MAP7D2: variants seen among roughly 807,000 people sequenced by gnomAD.
The protein encoded by MAP7D2 is MAP7 domain containing 2, also known as MAP7 domain-containing protein 2.
Under a neutral mutation model 63.5 loss-of-function variants are expected in MAP7D2, and 33 were observed. The observed-to-expected ratio is 0.52, with a 90% CI of 0.39 to 0.70. MAP7D2 has a LOEUF of 0.70. MAP7D2 is among the 30% of genes least tolerant of loss of function. MAP7D2 has a pLI of 0.00. For synonymous variants in MAP7D2, 224 were observed against 223.7 expected, an observed-to-expected ratio of 1.00 and a Z score of -0.01; for missense variants, 626 against 604.0, an observed-to-expected ratio of 1.04 and a Z score of -0.38.
chrX:20,034,560 G>T (rs1373451194), intron 8 of MAP7D2, among the ~76,000 whole-genome samples: 1 of 111,362 alleles, frequency 9.0e-6, no homozygotes, highest in Non-Finnish European at 1.9e-5. Context: ...AGGTGATTAG[G>T]TCATGAAGGT....
intron 1 of MAP7D2, among the ~76,000 whole-genome samples, chrX:20,074,135 C>CA (rs775366987): frequency 0.033 from 1,967 of 59,260 alleles, 32 homozygotes; most frequent in African/African-American, 0.047. Context: ...AACTCCGTCT[C>CA]AAAAAAAAAA....
chrX:20,042,395 TG>T, intron 8 of MAP7D2, 106 bp downstream of exon 8: 1 of 924,176 alleles, frequency 1.1e-6, no homozygotes, highest in Non-Finnish European at 1.5e-6. Context: ...CACTTCTGGC[TG>T]GCCACGCCTC....
chrX:20,092,344 C>T (rs1334852857), intron 1 of MAP7D2, among the ~76,000 whole-genome samples: 1 of 111,178 alleles, frequency 9.0e-6, no homozygotes, highest in Non-Finnish European at 1.9e-5. Flanking sequence ...CTGACCTTCC[C>T]CCTCCTCCCC....
chrX:20,031,541 CAGAT>C (rs2074051625), intron 8 of MAP7D2, among the ~76,000 whole-genome samples: 1 of 110,074 alleles, frequency 9.1e-6, no homozygotes, highest in Non-Finnish European at 1.9e-5. Context: ...GCGAGGCAGG[CAGAT>C]CACTTGAGGT....
chrX:20,100,816 G>A (rs1354749546), intron 1 of MAP7D2, among the ~76,000 whole-genome samples: 1 of 110,859 alleles, frequency 9.0e-6, no homozygotes, highest in East Asian at 2.8e-4. Context: ...GAGGTCGGGA[G>A]TTCGAGACCA....
intron 1 of MAP7D2, among the ~76,000 whole-genome samples, chrX:20,096,860 C>T (rs952539088): frequency 5.4e-5 from 6 of 111,879 alleles, no homozygotes; most frequent in Admixed American, 9.5e-5. Flanking sequence ...CAGGGTAATT[C>T]GGCAGCACAA....
At chrX:20,099,866 C>T (rs1004394799) in intron 1 of MAP7D2, among the ~76,000 whole-genome samples, 3 of 111,943 alleles carry the variant, frequency 2.7e-5, no homozygotes, top group African/African-American at 9.7e-5. Context: ...GGAGTCAAGG[C>T]CCAAATTTCC....
At chrX:20,109,318 G>C (rs1283211283) in intron 1 of MAP7D2, among the ~76,000 whole-genome samples, 4 of 109,258 alleles carry the variant, frequency 3.7e-5, no homozygotes, top group Non-Finnish European at 5.7e-5. Flanking sequence ...TCAGGAGTTC[G>C]AGACCAGCCC....
chrX:20,083,004 T>C (rs139082420), intron 1 of MAP7D2, among the ~76,000 whole-genome samples: 1 of 112,151 alleles, frequency 8.9e-6, no homozygotes, highest in African/African-American at 3.2e-5. Flanking sequence ...GGCAGTCTGG[T>C]TGGCCTTTTA....
chrX:20,009,495 C>G (rs967119306), intron 16 of MAP7D2, among the ~76,000 whole-genome samples: 1 of 109,081 alleles, frequency 9.2e-6, no homozygotes, highest in African/African-American at 3.3e-5. Context: ...GAAACCCTGT[C>G]TCTACTAAAA....
chrX:20,063,582 G>A lies in MAP7D2; in HGVS notation c.209-5C>T. The stretch of plus-strand genomic sequence containing the variant: ...GGATCTGTTGCTCCCGAGCAGCTGG[G>A]GAAGGAAAGTAGAAGAGAGGTGTCA... On this transcript the variant is annotated splice_region_variant and splice_polypyrimidine_tract_variant and intron_variant, in intron 2 of 16. Coordinates refer to ENST00000379643, the MANE Select transcript of MAP7D2 (RefSeq NM_001168465.2). The A allele has an allele frequency of 9.1e-6, 11 of 1,209,772 alleles. No homozygotes were observed. The highest frequency in any genetic ancestry group is 1.2e-5 in the Non-Finnish European group (11 of 894,555).
In MAP7D2 at chrX:20,033,284, C is replaced by T. The variant is rs766187451; in HGVS notation, c.1008-7332G>A. On this transcript the variant is annotated intron_variant, in intron 8 of 16. Coordinates refer to ENST00000379643, the MANE Select transcript of MAP7D2 (RefSeq NM_001168465.2). ...AATAGATAGCTGAAATATTACCTATCGTAATGACCAAACTGACTTAGAATA... is the reference window on the plus strand; with the variant it reads ...AATAGATAGCTGAAATATTACCTATTGTAATGACCAAACTGACTTAGAATA... Among the ~76,000 whole-genome samples, 13 of 112,205 alleles carry T rather than the reference C, an allele frequency of 1.2e-4. 1 individual carries two copies. The South Asian group carries it at 3.3e-3, about 29-fold the overall frequency.
intron 1 of MAP7D2, among the ~76,000 whole-genome samples, chrX:20,094,555 TATATATATATATAC>T (rs1196302599): frequency 0.018 from 223 of 12,426 alleles, 44 homozygotes; most frequent in South Asian, 0.12. Context: ...TATATATATA[TATATATATATATAC>T]ATATATATGT....
chrX:20,026,728 G>A (rs2073857563), intron 8 of MAP7D2, among the ~76,000 whole-genome samples: 2 of 111,727 alleles, frequency 1.8e-5, no homozygotes, highest in Non-Finnish European at 3.8e-5. Context: ...GCTGGGAAAG[G>A]GTCCGTTACA....
chrX:20,039,775 C>T (rs759614363), intron 8 of MAP7D2, among the ~76,000 whole-genome samples: 6 of 110,222 alleles, frequency 5.4e-5, no homozygotes, highest in South Asian at 3.9e-4. Flanking sequence ...CCAAGGTGGG[C>T]GGATCACAAG....
chrX:20,041,179 T>C (rs2064645381), intron 8 of MAP7D2, among the ~76,000 whole-genome samples: 2 of 110,911 alleles, frequency 1.8e-5, no homozygotes, highest in Non-Finnish European at 3.8e-5. Flanking sequence ...TGTCCAAAAT[T>C]AACACCAGAG....
chrX:20,012,464 C>T lies in MAP7D2; in HGVS notation c.1957G>A (p.Asp653Asn). 1 of 1,209,446 alleles carries T rather than the reference C, an allele frequency of 8.3e-7. No homozygotes were observed. Among genetic ancestry groups the T allele is most frequent in the Non-Finnish European group, 1.1e-6 (1 of 894,187 alleles). ...GGCTTAAGCCCATTAGAGAAAATGT[C>T]TTGGGGATAAGTTTCTGGGGCAGCG... ...DHAAPETYPQDIFSNGLKPAG... is the reference protein window; with the variant it reads ...DHAAPETYPQNIFSNGLKPAG... The change falls in exon 15 of 17, where the codon GAC becomes AAC. Residue 653 changes from aspartate to asparagine, a missense_variant. Coordinates refer to ENST00000379643, the MANE Select transcript of MAP7D2 (RefSeq NM_001168465.2).
intron 1 of MAP7D2, among the ~76,000 whole-genome samples, chrX:20,070,304 G>C (rs867249307): frequency 5.0e-5 from 5 of 100,504 alleles, no homozygotes; most frequent in Non-Finnish European, 1.0e-4. Flanking sequence ...TTATTTATTT[G>C]TAGAGATGCA....
At chrX:20,056,213 T>A (rs989816948) in intron 4 of MAP7D2, among the ~76,000 whole-genome samples, 6 of 112,125 alleles carry the variant, frequency 5.4e-5, no homozygotes, top group Admixed American at 9.4e-5. Flanking sequence ...ATGAAATAAG[T>A]CACCTTGAAA....
Sources: gnomAD v4.1 joint callset for allele counts (sites outside exome capture counted in the v4.1 genomes callset) on GRCh38, gnomAD v4.1.1 for gene constraint, MANE v1.5 for transcripts, NCBI Gene and HGNC (gene_info 2026-07-23, HGNC 2026-07-21) for gene names.